The following PTPRT variants were observed in gnomAD, a reference collection of about 807,000 sequenced individuals.
PTPRT encodes the protein protein tyrosine phosphatase receptor type T.
Under a neutral mutation model 176.8 loss-of-function variants are expected in PTPRT, and 56 were observed. The ratio of observed to expected loss-of-function variants is 0.32; its 90% CI spans 0.26 to 0.40. PTPRT has a LOEUF of 0.40. Ranked by LOEUF, PTPRT falls within the 10% of genes least tolerant of loss-of-function variation. The pLI, the probability that PTPRT is intolerant of heterozygous loss-of-function variation, is 1.00. For synonymous variants in PTPRT, 783 were observed against 739.0 expected (o/e 1.06, Z -0.96); for missense variants, 1,540 against 1,908.2 (o/e 0.81, Z 3.60).
intron 1 of PTPRT, among the ~76,000 whole-genome samples, chr20:42,947,313 C>T (rs1399401955): frequency 6.6e-6 from 1 of 152,178 alleles, no homozygotes; most frequent in Non-Finnish European, 1.5e-5. Context: ...TTAAAATGCA[C>T]CCTCCTTGCA....
intron 7 of PTPRT, among the ~76,000 whole-genome samples, chr20:42,539,628 T>G (rs1468078599): frequency 2.6e-5 from 4 of 151,244 alleles, no homozygotes. Flanking sequence ...TGGAGGGACT[T>G]GTTGACAACT....
At position 42,595,241 on chromosome 20, in the gene PTPRT, C is replaced by T. The variant is rs564680879; in HGVS notation, c.1153+82625G>A. ...CTCTAACTCAGACATATCATTAATT[C>T]ACACCATCCCTCTTGTGCCTACTAA... On this transcript the variant is annotated intron_variant, in intron 7 of 30. Transcript: ENST00000373187. 3.9e-5 allele frequency among the ~76,000 whole-genome samples: 6 copies of T among 152,208 alleles called. No homozygotes were observed. In the South Asian group the frequency reaches 1.0e-3, roughly 26 times the overall value.
Position 42,510,155 on chromosome 20 carries a change from C to A in PTPRT, c.1154-37593G>T, listed in dbSNP as rs62205772. Among the ~76,000 whole-genome samples, 1,189 of 152,224 alleles carry A rather than the reference C, an allele frequency of 7.8e-3. 11 individuals carry two copies. Among genetic ancestry groups the A allele is most frequent in the Middle Eastern group, 0.014 (4 of 294 alleles). On this transcript the variant is annotated intron_variant, in intron 7 of 30. Transcript: ENST00000373187. ...TTATGAAGCCCAAGAGACAAGGACA[C>A]ATGGTTTGCTGAGTCCAAAAGCACC... is the stretch of plus-strand genomic sequence containing the variant.
intron 1 of PTPRT, among the ~76,000 whole-genome samples, chr20:43,012,692 T>C (rs1016033285): frequency 6.6e-6 from 1 of 152,138 alleles, no homozygotes; most frequent in African/African-American, 2.4e-5. Flanking sequence ...TCTGCTCAGT[T>C]CCCCTTTAGT....
chr20:43,095,177 G>T (rs564785228), intron 1 of PTPRT, among the ~76,000 whole-genome samples: 1 of 152,190 alleles, frequency 6.6e-6, no homozygotes, highest in East Asian at 1.9e-4. Flanking sequence ...CCATCTGGGA[G>T]CTGGGTTGGT....
At chr20:42,394,711 T>TA (rs2058832961) in intron 9 of PTPRT, among the ~76,000 whole-genome samples, 1 of 152,186 alleles carries the variant, frequency 6.6e-6, no homozygotes, top group African/African-American at 2.4e-5. Context: ...TGTTTAGCAA[T>TA]ACTACTTTCA....
chr20:42,565,115 A>T (rs1008514721), intron 7 of PTPRT, among the ~76,000 whole-genome samples: 11 of 152,096 alleles, frequency 7.2e-5, no homozygotes, highest in African/African-American at 9.7e-5. Flanking sequence ...TGAAGACAGC[A>T]CCCGAGAAGA....
chr20:42,617,097 T>G (rs2145843320), intron 7 of PTPRT, among the ~76,000 whole-genome samples: 1 of 137,598 alleles, frequency 7.3e-6, no homozygotes, highest in Non-Finnish European at 1.5e-5. Flanking sequence ...GCTCTTATTA[T>G]TTTGAAATAC....
At chr20:42,668,052 T>C (rs1041759395) in intron 7 of PTPRT, among the ~76,000 whole-genome samples, 3 of 152,138 alleles carry the variant, frequency 2.0e-5, no homozygotes, top group Non-Finnish European at 2.9e-5. Context: ...TAACACATAG[T>C]TAGACAGACT....
intron 9 of PTPRT, among the ~76,000 whole-genome samples, chr20:42,439,471 G>C (rs1173567750): frequency 6.6e-6 from 1 of 152,020 alleles, no homozygotes; most frequent in Non-Finnish European, 1.5e-5. Context: ...CAACCTTGAG[G>C]GAAAAAAGAC....
chr20:42,683,271 T>TTTTTTGTTTTGTTTTGTTTTGTTTTG (rs1555898538), intron 6 of PTPRT, among the ~76,000 whole-genome samples: 13 of 149,394 alleles, frequency 8.7e-5, no homozygotes, highest in African/African-American at 2.2e-4. Flanking sequence ...TTACTTGTTT[T>TTTTTTGTTTTGTTTTGTTTTGTTTTG]TTTTGTTTTG....
intron 17 of PTPRT, among the ~76,000 whole-genome samples, chr20:42,153,257 TACTC>T (rs971854812): frequency 7.9e-5 from 12 of 152,218 alleles, no homozygotes; most frequent in Non-Finnish European, 1.5e-4. Context: ...GCACAATAAA[TACTC>T]AGTCAGTGTT....
At chr20:43,027,728 C>T (rs1325003428) in intron 1 of PTPRT, among the ~76,000 whole-genome samples, 3 of 152,140 alleles carry the variant, frequency 2.0e-5, no homozygotes, top group African/African-American at 7.2e-5. Context: ...TTGTTTAGGA[C>T]ACTCAGGGTA....
rs1188884030 is a variant in PTPRT, at chr20:42,587,514, C to T, written c.1153+90352G>A. ...AAGCCCTGACCCTGGTCAGACTCAA[C>T]TCTGACCCTTGCACGGCCTGAGCCC... On this transcript the variant is annotated intron_variant, in intron 7 of 30. Transcript: ENST00000373187. 2.6e-5 allele frequency among the ~76,000 whole-genome samples: 4 copies of T among 152,378 alleles called. No individual in the cohort carries two copies. The East Asian group carries it at 7.7e-4, about 29-fold the overall frequency.
chr20:42,245,206 T>C (rs2056427545), intron 14 of PTPRT, among the ~76,000 whole-genome samples: 1 of 152,174 alleles, frequency 6.6e-6, no homozygotes, highest in East Asian at 1.9e-4. Flanking sequence ...TATTGTGTAG[T>C]TGGTGTGGCT....
At chr20:42,983,793 G>T (rs1478150623) in intron 1 of PTPRT, among the ~76,000 whole-genome samples, 2 of 152,194 alleles carry the variant, frequency 1.3e-5, no homozygotes, top group African/African-American at 4.8e-5. Context: ...CCTTACTTCT[G>T]GCAACCTAAT....
intron 7 of PTPRT, among the ~76,000 whole-genome samples, chr20:42,554,085 G>A (rs1268825112): frequency 6.6e-6 from 1 of 151,848 alleles, no homozygotes; most frequent in Non-Finnish European, 1.5e-5. Context: ...AGGATTTTCA[G>A]ACCAAAAAAA....
rs74650258 is a variant in PTPRT, at chr20:42,279,096, T to C, written c.2176+3393A>G. Among the ~76,000 whole-genome samples the C allele has an allele frequency of 7.4e-3, 1,129 of 152,286 alleles. 7 individuals carry two copies. Among genetic ancestry groups the C allele is most frequent in the Middle Eastern group, 0.02 (6 of 294 alleles). On this transcript the variant is annotated intron_variant, in intron 13 of 30. Transcript: ENST00000373187. ...CCTTTCAGAGTCTGAATAATAGTTTTAAATCCAAACCATCACTTAATGCCT... is the reference window on the plus strand; with the variant it reads ...CCTTTCAGAGTCTGAATAATAGTTTCAAATCCAAACCATCACTTAATGCCT...
intron 13 of PTPRT, among the ~76,000 whole-genome samples, chr20:42,258,221 T>A (rs1218556475): frequency 6.6e-6 from 1 of 152,206 alleles, no homozygotes; most frequent in Non-Finnish European, 1.5e-5. Context: ...ATTTCATGCA[T>A]CTTTCTTGAA....
Sources: gnomAD v4.1 joint callset for allele counts (sites outside exome capture counted in the v4.1 genomes callset) on GRCh38, gnomAD v4.1.1 for gene constraint, MANE v1.5 for transcripts, NCBI Gene and HGNC (gene_info 2026-07-23, HGNC 2026-07-21) for gene names.